The following PRH1 variants were observed in gnomAD, a reference collection of about 807,000 sequenced individuals.
PRH1 encodes the protein salivary acidic proline-rich phosphoprotein 1/2.
Under a neutral mutation model 7.9 loss-of-function variants are expected in PRH1, and 7 were observed. The observed-to-expected ratio is 0.89, with a 90% CI of 0.50 to 1.67. The LOEUF (loss-of-function observed/expected upper bound fraction) is 1.67, where lower values mean the gene tolerates loss of function less well. Among genes scored for constraint, PRH1 ranks in the 40% most tolerant of loss-of-function variants. PRH1 has a pLI of 0.00. For synonymous variants in PRH1, 45 were observed against 80.8 expected (o/e 0.56, Z 2.38); for missense variants, 109 against 223.6 (o/e 0.49, Z 3.27).
intron 1 of PRH1, among the ~76,000 whole-genome samples, chr12:11,168,295 AGAAAGAAGGAAGGAAG>A (rs1947678274): frequency 4.4e-5 from 1 of 22,652 alleles, no homozygotes; most frequent in Non-Finnish European, 9.0e-5. Flanking sequence ...AAAGAAAGAA[AGAAAGAAGGAAGGAAG>A]GAAGGAAGGA....
At chr12:10,884,018 T>C in intron 1 of PRH1, 136 bp downstream of exon 1, 2 of 1,015,426 alleles carry the variant, frequency 2.0e-6, no homozygotes, top group Non-Finnish European at 2.9e-6. Flanking sequence ...ACAATAGATC[T>C]TCTGATCCTC....
chr12:11,068,069 T>C (rs969214274), intron 1 of PRH1, among the ~76,000 whole-genome samples: 1 of 151,888 alleles, frequency 6.6e-6, no homozygotes, highest in Non-Finnish European at 1.5e-5. Context: ...ATATGGAGCA[T>C]AATAAAACCT....
At chr12:10,919,945 C>G (rs529216459) in intron 2 of PRH1, among the ~76,000 whole-genome samples, 1 of 148,940 alleles carries the variant, frequency 6.7e-6, no homozygotes, top group Non-Finnish European at 1.5e-5. Context: ...TGCTCTGTAG[C>G]CCAGGCTGGA....
intron 2 of PRH1, chr12:10,895,253 C>T (rs1158064889): frequency 6.6e-6 from 1 of 152,118 alleles, no homozygotes; most frequent in Non-Finnish European, 1.5e-5. Context: ...CTTCATCTGC[C>T]TGGTGTGGCT....
intron 1 of PRH1, among the ~76,000 whole-genome samples, chr12:11,148,224 C>T (rs958301966): frequency 4.0e-5 from 6 of 149,806 alleles, no homozygotes; most frequent in African/African-American, 9.8e-5. Flanking sequence ...ACAATCATGT[C>T]GTCTGCAAAC....
At chr12:11,068,766 A>G (rs1943930858) in intron 1 of PRH1, among the ~76,000 whole-genome samples, 1 of 152,210 alleles carries the variant, frequency 6.6e-6, no homozygotes, top group South Asian at 2.1e-4. Flanking sequence ...AATCCCCTGC[A>G]TAGTAATCTA....
intron 2 of PRH1, among the ~76,000 whole-genome samples, chr12:10,906,708 C>G (rs769081817): frequency 6.6e-6 from 1 of 152,166 alleles, no homozygotes; most frequent in Non-Finnish European, 1.5e-5. Flanking sequence ...TTCACTGCCA[C>G]CATGTAAGAC....
intron 1 of PRH1, among the ~76,000 whole-genome samples, chr12:11,102,714 C>T (rs570210664): frequency 6.6e-6 from 1 of 152,290 alleles, no homozygotes; most frequent in East Asian, 1.9e-4. Context: ...AAATAAAGAG[C>T]TTCTGCACAG....
upstream of PRH1, chr12:11,171,572 C>T (rs1947847404): frequency 8.1e-7 from 1 of 1,231,808 alleles, no homozygotes; most frequent in Non-Finnish European, 1.0e-6. Flanking sequence ...AGAGCCATGA[C>T]TAAGCTAACG....
At chr12:11,104,316 A>T (rs1469097816) in intron 1 of PRH1, among the ~76,000 whole-genome samples, 2 of 143,938 alleles carry the variant, frequency 1.4e-5, no homozygotes, top group Admixed American at 7.1e-5. Flanking sequence ...TCATATGATG[A>T]TCACTCATAT....
intron 1 of PRH1, among the ~76,000 whole-genome samples, chr12:11,027,242 G>A (rs1247290623): frequency 1.1e-4 from 17 of 150,620 alleles, no homozygotes; most frequent in Admixed American, 1.1e-3. Flanking sequence ...TCCAGCCTCA[G>A]GGACAGAATG....
intron 2 of PRH1, chr12:10,965,297 A>G: frequency 7.2e-7 from 1 of 1,387,136 alleles, no homozygotes; most frequent in Non-Finnish European, 9.8e-7. Context: ...AAAATTCCCA[A>G]GAACAAATGT....
chr12:11,118,712 T>G (rs556394972), downstream of PRH1, among the ~76,000 whole-genome samples: 8 of 152,120 alleles, frequency 5.3e-5, no homozygotes, highest in African/African-American at 1.9e-4. Context: ...GAAGGTGGTA[T>G]GGCCGGGGGC....
At chr12:10,913,915 ACTT>A (rs1477794126) in intron 2 of PRH1, among the ~76,000 whole-genome samples, 1 of 152,162 alleles carries the variant, frequency 6.6e-6, no homozygotes, top group African/African-American at 2.4e-5. Flanking sequence ...AACAACAAAA[ACTT>A]CTCCTACGTG....
intron 1 of PRH1, among the ~76,000 whole-genome samples, chr12:11,027,373 C>A (rs1193257712): frequency 1.3e-5 from 2 of 150,194 alleles, no homozygotes; most frequent in African/African-American, 4.9e-5. Flanking sequence ...AGTAAAATAC[C>A]AGAAGAAAAG....
intron 1 of PRH1, among the ~76,000 whole-genome samples, chr12:11,103,471 T>C (rs1945316647): frequency 6.8e-6 from 1 of 147,608 alleles, no homozygotes; most frequent in African/African-American, 2.5e-5. Flanking sequence ...TTCTCACTCA[T>C]AGGTGGGAAC....
chr12:11,089,579 T>A (rs1333985855), intron 1 of PRH1, among the ~76,000 whole-genome samples: 4 of 134,052 alleles, frequency 3.0e-5, no homozygotes, highest in African/African-American at 1.1e-4. Flanking sequence ...GCCATTTTTG[T>A]CTTGAATTTG....
At chr12:10,908,956 A>G (rs1949851101) in intron 2 of PRH1, 3 of 1,613,546 alleles carry the variant, frequency 1.9e-6, no homozygotes, top group Non-Finnish European at 2.5e-6. Context: ...GCAGGGCTAG[A>G]GAAACTCGCT....
intron 1 of PRH1, among the ~76,000 whole-genome samples, chr12:11,014,130 T>C (rs1370451997): frequency 6.6e-6 from 1 of 152,212 alleles, no homozygotes; most frequent in African/African-American, 2.4e-5. Context: ...TATAAATGGA[T>C]AATCAGCCTT....
Sources: gnomAD v4.1 joint callset for allele counts (sites outside exome capture counted in the v4.1 genomes callset) on GRCh38, gnomAD v4.1.1 for gene constraint, MANE v1.5 for transcripts, NCBI Gene and HGNC (gene_info 2026-07-23, HGNC 2026-07-21) for gene names.